KIF14: variants seen among roughly 807,000 people sequenced by gnomAD.
KIF14 encodes kinesin family member 14.
KIF14 carries 98 observed loss-of-function variants against 176.2 expected under a neutral mutation model. The observed-to-expected ratio is 0.56, with a 90% CI of 0.47 to 0.66. The LOEUF (loss-of-function observed/expected upper bound fraction) is 0.66, where lower values mean the gene tolerates loss of function less well. Ranked by LOEUF, KIF14 falls within the 30% of genes least tolerant of loss-of-function variation. KIF14 has a pLI of 0.00. For synonymous variants in KIF14, 566 were observed against 632.2 expected, an observed-to-expected ratio of 0.90 and a Z score of 1.57; for missense variants, 1,751 against 1,920.4, an observed-to-expected ratio of 0.91 and a Z score of 1.65.
chr1:200,602,102 A>G, intron 10 of KIF14, 34 bp from the exon 11 acceptor site: 1 of 1,578,142 alleles, frequency 6.3e-7, no homozygotes, highest in Non-Finnish European at 8.7e-7. Flanking sequence ...CTTTGCTTCT[A>G]CAACAACTTA....
At position 200,618,104 on chromosome 1, in the gene KIF14, T is replaced by A. The variant is rs1352513101; in HGVS notation, c.620A>T (p.Asn207Ile). Residue 207 changes from asparagine to isoleucine, a missense_variant, in exon 2 of 30, where the codon AAT (asparagine) becomes ATT (isoleucine). Physicochemically the swap from Asn to Ile is moderately radical, Grantham distance 149. Transcript: ENST00000367350. The part of the protein sequence containing the change: ...KETFSAPSRA[N>I]ENVALKYSSN... ...TGAGTACTTAAGTGCAACATTTTCA[T>A]TTGCTCTACTGGGGGCAGAAAATGT... The A allele has an allele frequency of 6.2e-7, 1 of 1,614,154 alleles. No homozygotes were observed. The highest frequency in any genetic ancestry group is 8.5e-7 in the Non-Finnish European group (1 of 1,180,022).
rs535805474 is a variant in KIF14 at position 200,572,650 on chromosome 1, G to T, written c.3567-2645C>A. Among the ~76,000 whole-genome samples, 3 of 152,200 alleles carry T rather than the reference G, an allele frequency of 2.0e-5. No individual in the cohort carries two copies. The East Asian group carries it at 5.8e-4, about 29-fold the overall frequency. On this transcript the variant is annotated intron_variant, in intron 22 of 29. Coordinates refer to ENST00000367350, the MANE Select transcript of KIF14 (RefSeq NM_014875.3). The stretch of plus-strand genomic sequence containing the variant: ...GAGCCACTGCACCCAGCCCCGGTAG[G>T]CTAAACGTTTAATGCTCATTATTAA...
intron 25 of KIF14, among the ~76,000 whole-genome samples, chr1:200,561,375 C>A (rs1425138161): frequency 6.6e-6 from 1 of 151,888 alleles, no homozygotes; most frequent in African/African-American, 2.4e-5. Flanking sequence ...CCCATCTCTA[C>A]TAAAAACACA....
At chr1:200,600,630 AT>A in intron 11 of KIF14, 127 bp from the exon 12 acceptor site, 1 of 663,520 alleles carries the variant, frequency 1.5e-6, no homozygotes, top group Non-Finnish European at 2.5e-6. Flanking sequence ...ATAAAATAGA[AT>A]ATTGGAGAAA....
chr1:200,558,345 A>G (rs566352974), intron 27 of KIF14, among the ~76,000 whole-genome samples: 26 of 152,304 alleles, frequency 1.7e-4, no homozygotes, highest in African/African-American at 6.3e-4. Context: ...TATCTTCCTA[A>G]TCCCCACTTC....
rs146338855 is a variant in KIF14 at position 200,564,544 on chromosome 1, A to G, written c.4071+525T>C. Among the ~76,000 whole-genome samples the G allele has an allele frequency of 7.2e-3, 1,095 of 152,312 alleles. 10 individuals are homozygous for G. Among genetic ancestry groups the G allele is most frequent in the African/African-American group, 0.023 (973 of 41,574 alleles). ...TTATCTGATACAAGATAAGCAGGAA[A>G]ACAAAATTATTTCCTTGTCTCTATG... On this transcript the variant is annotated intron_variant, in intron 25 of 29. Transcript: ENST00000367350.
At chr1:200,554,113 G>A (rs896071851) in intron 29 of KIF14, among the ~76,000 whole-genome samples, 8 of 152,062 alleles carry the variant, frequency 5.3e-5, no homozygotes, top group Non-Finnish European at 8.8e-5. Context: ...GATGTCAGCC[G>A]GGGACTGTGG....
chr1:200,590,026 C>T, intron 17 of KIF14, 99 bp downstream of exon 17: 1 of 1,220,374 alleles, frequency 8.2e-7, no homozygotes, highest in African/African-American at 1.5e-5. Context: ...TCTCTGATCT[C>T]TCCCAGTTCC....
chr1:200,610,849 G>A (rs1376812103), intron 4 of KIF14, among the ~76,000 whole-genome samples: 1 of 152,160 alleles, frequency 6.6e-6, no homozygotes, highest in Admixed American at 6.5e-5. Flanking sequence ...AATAGAATGT[G>A]AGGCATGAGA....
At chr1:200,604,000 A>T in intron 8 of KIF14, 45 bp from the exon 9 acceptor site, 2 of 1,158,910 alleles carry the variant, frequency 1.7e-6, no homozygotes, top group South Asian at 2.5e-5. Flanking sequence ...TATTACTTCC[A>T]ATCAATATAG....
In KIF14 at chr1:200,603,245, G is replaced by A. The variant is rs1263266775; in HGVS notation, c.1960C>T (p.Arg654Cys). The change falls in exon 10 of 30, where the codon CGT becomes TGT. Residue 654 changes from arginine to cysteine, a missense_variant. Arg to Cys is a radical substitution (Grantham distance 180). Transcript: ENST00000367350. The part of the protein sequence containing the change: ...ANQRSVFIPY[R>C]ESVLTWLLKE... ...ACTTGCCATGTAAGAACAGATTCACGATAAGGAATAAAAACACTCCTTTGG... is the reference window on the plus strand; with the variant it reads ...ACTTGCCATGTAAGAACAGATTCACAATAAGGAATAAAAACACTCCTTTGG... 2 of 1,595,242 alleles carry A rather than the reference G, an allele frequency of 1.3e-6. No individual in the cohort carries two copies. The highest frequency in any genetic ancestry group is 1.7e-4 in the Middle Eastern group (1 of 6,012).
rs1660525115 is a variant in KIF14 at position 200,618,471 on chromosome 1, C to T, written c.253G>A (p.Val85Ile). The change falls in exon 2 of 30, where the codon GTA (valine) becomes ATA (isoleucine). Residue 85 changes from valine (V) to isoleucine (I), a missense_variant. Physicochemically the swap from Val to Ile is conservative, Grantham distance 29. Coordinates refer to ENST00000367350, the MANE Select transcript of KIF14 (RefSeq NM_014875.3). ...CTCCTCTGAAGTGCCAATCTACCTACAGGATTAGGGGTAAGGGGCATGTCT... is the reference window on the plus strand; with the variant it reads ...CTCCTCTGAAGTGCCAATCTACCTATAGGATTAGGGGTAAGGGGCATGTCT... ...TADMPLTPNP[V>I]GRLALQRRTT... 2 of 1,614,042 alleles carry T rather than the reference C, an allele frequency of 1.2e-6. No individual in the cohort carries two copies. The highest frequency in any genetic ancestry group is 1.3e-5 in the African/African-American group (1 of 74,916).
At chr1:200,573,577 C>T (rs1250952290) in intron 22 of KIF14, among the ~76,000 whole-genome samples, 2 of 151,982 alleles carry the variant, frequency 1.3e-5, no homozygotes, top group African/African-American at 2.4e-5. Context: ...GCTGGGACTA[C>T]AGGCGCCCGC....
intron 14 of KIF14, among the ~76,000 whole-genome samples, chr1:200,597,170 C>T (rs976040120): frequency 9.2e-5 from 14 of 151,990 alleles, no homozygotes; most frequent in South Asian, 2.1e-4. Context: ...TAAGCCACCA[C>T]GCCCAGCCAG....
intron 26 of KIF14, among the ~76,000 whole-genome samples, chr1:200,560,323 G>A (rs1657065917): frequency 6.6e-6 from 1 of 152,080 alleles, no homozygotes; most frequent in South Asian, 2.1e-4. Flanking sequence ...CCAGGCTGGA[G>A]TGCACTGGCG....
In KIF14 at chr1:200,553,690, A is replaced by C. The variant is rs1365861548; in HGVS notation, c.4645T>G (p.Phe1549Val). The change falls in exon 30 of 30, where the codon TTC becomes GTC. Residue 1549 changes from phenylalanine (F) to valine (V), a missense_variant. Transcript: ENST00000367350. The part of the protein sequence containing the change: ...RNLASDFYSD[F>V]SVPSTSVGSY... ...CCAACAGAAGTAGAAGGCACACTGAAGTCACTGTAAAAATCACTGGCCAAG... is the reference window on the plus strand; with the variant it reads ...CCAACAGAAGTAGAAGGCACACTGACGTCACTGTAAAAATCACTGGCCAAG... 6.2e-7 allele frequency: 1 copy of C among 1,613,698 alleles called. No homozygotes were observed. The highest frequency in any genetic ancestry group is 8.5e-7 in the Non-Finnish European group (1 of 1,179,674).
intron 22 of KIF14, among the ~76,000 whole-genome samples, chr1:200,571,322 A>AAG (rs1657778479): frequency 6.7e-6 from 1 of 150,224 alleles, no homozygotes; most frequent in Non-Finnish European, 1.5e-5. Context: ...CTCAAAAAGA[A>AAG]AAAAAAAAAA....
rs773756318 is a variant in KIF14 at position 200,559,464 on chromosome 1, A to G, written c.4231-12T>C. Reference sequence around the variant, plus strand: ...TCCATGAATTCCTCCTAGAAAAAGAATTTAAGCATTAACTAGAAAATTTAG... The same window carrying G: ...TCCATGAATTCCTCCTAGAAAAAGAGTTTAAGCATTAACTAGAAAATTTAG... On this transcript the variant is annotated splice_polypyrimidine_tract_variant and intron_variant, in intron 26 of 29. Transcript: ENST00000367350. The G allele has an allele frequency of 2.1e-6, 3 of 1,451,532 alleles. No homozygotes were observed. Among genetic ancestry groups the G allele is most frequent in the Non-Finnish European group, 2.7e-6 (3 of 1,095,774 alleles). 89.9% of individuals were successfully genotyped at this position (1,451,532 alleles called of 1,614,324 possible). A position where few individuals can be genotyped will look rare whatever the true frequency, so the allele number is the denominator to read the frequency against.
rs773790995 is a variant in KIF14, at chr1:200,605,271, T to TA, written c.1746+11dup. On this transcript the variant is annotated intron_variant, in intron 8 of 29. Transcript: ENST00000367350. ...AAAACTGAAAGAGATCGGGAACTTTTAAAAAAAATACCTTGGTCTGGGTCA... is the reference window on the plus strand; with the variant it reads ...AAAACTGAAAGAGATCGGGAACTTTTAAAAAAAAATACCTTGGTCTGGGTCA... 8 of 1,597,004 alleles carry TA rather than the reference T, an allele frequency of 5.0e-6. No individual in the cohort carries two copies. Among genetic ancestry groups the TA allele is most frequent in the South Asian group, 2.2e-5 (2 of 89,614 alleles).
Sources: allele counts gnomAD v4.1 joint callset (sites outside exome capture counted in the v4.1 genomes callset), GRCh38; gene constraint gnomAD v4.1.1; transcripts MANE v1.5; gene names NCBI Gene and HGNC (gene_info 2026-07-23, HGNC 2026-07-21).